Variants in GNG2 observed in about 807,000 individuals in gnomAD.
GNG2 encodes the protein G protein subunit gamma 2.
GNG2 carries 5 observed loss-of-function variants against 5.5 expected under a neutral mutation model. The observed-to-expected ratio is 0.91, with a 90% CI of 0.48 to 1.92. The LOEUF (loss-of-function observed/expected upper bound fraction) is 1.92, where lower values mean the gene tolerates loss of function less well. Among genes scored for constraint, GNG2 ranks in the 30% most tolerant of loss-of-function variants. The pLI is 0.01. For synonymous variants in GNG2, 28 were observed against 32.0 expected, an observed-to-expected ratio of 0.88 and a Z score of 0.42; for missense variants, 55 against 88.4, an observed-to-expected ratio of 0.62 and a Z score of 1.52.
At chr14:51,932,181 A>T (rs1401285378) in intron 2 of GNG2, among the ~76,000 whole-genome samples, 1 of 133,440 alleles carries the variant, frequency 7.5e-6, no homozygotes, top group East Asian at 2.6e-4. Context: ...GGGGAGGTGG[A>T]GCTTGCAGTG....
At chr14:51,840,014 T>G (rs1179674061) in intron 2 of GNG2, among the ~76,000 whole-genome samples, 1 of 152,108 alleles carries the variant, frequency 6.6e-6, no homozygotes. Context: ...GCATTAGAAA[T>G]GTGTTATAGT....
chr14:51,946,433 C>G (rs36047102), intron 2 of GNG2, among the ~76,000 whole-genome samples: 9,379 of 152,176 alleles, frequency 0.062, 561 homozygotes, highest in East Asian at 0.28. Flanking sequence ...GATGTACATT[C>G]TACATTGCGG....
chr14:51,842,072 C>T (rs1398842307), intron 2 of GNG2, among the ~76,000 whole-genome samples: 1 of 152,108 alleles, frequency 6.6e-6, no homozygotes, highest in Non-Finnish European at 1.5e-5. Flanking sequence ...TAGTTGGTTA[C>T]CATGATGTCA....
intron 2 of GNG2, among the ~76,000 whole-genome samples, chr14:51,838,399 G>T (rs1881396884): frequency 6.6e-6 from 1 of 151,734 alleles, no homozygotes; most frequent in Non-Finnish European, 1.5e-5. Context: ...AGCCGAGATT[G>T]CACCACTGCT....
At chr14:51,910,176 T>A (rs1272720866) in intron 2 of GNG2, among the ~76,000 whole-genome samples, 1 of 152,158 alleles carries the variant, frequency 6.6e-6, no homozygotes. Context: ...TGTCTAGAAA[T>A]TAGCAGTATT....
At chr14:51,844,972 A>G (rs1452194461) in intron 2 of GNG2, among the ~76,000 whole-genome samples, 1 of 150,948 alleles carries the variant, frequency 6.6e-6, no homozygotes, top group Non-Finnish European at 1.5e-5. Flanking sequence ...TGATCCTTCC[A>G]CCTCGGCCTC....
chr14:51,891,637 A>C (rs1884859614), intron 2 of GNG2, among the ~76,000 whole-genome samples: 1 of 151,986 alleles, frequency 6.6e-6, no homozygotes, highest in South Asian at 2.1e-4. Context: ...GTTTAGTTTC[A>C]CCTGTTTTAG....
chr14:51,865,712 T>TA (rs916579266), intron 1 of GNG2, among the ~76,000 whole-genome samples: 14 of 151,282 alleles, frequency 9.3e-5, no homozygotes, highest in African/African-American at 1.7e-4. Flanking sequence ...ATATTTTGTT[T>TA]AAAAAAAAAG....
At chr14:51,854,771 C>T (rs1336468125) in intron 2 of GNG2, among the ~76,000 whole-genome samples, 1 of 152,186 alleles carries the variant, frequency 6.6e-6, no homozygotes, top group Non-Finnish European at 1.5e-5. Context: ...CCTTGGCCTC[C>T]CAAGGTGCTG....
rs545779100 is a variant in GNG2, at chr14:51,833,382, G to A, written c.64+5575G>A. Among the ~76,000 whole-genome samples, 11 of 152,156 alleles carry A rather than the reference G, an allele frequency of 7.2e-5. No individual in the cohort carries two copies. In the South Asian group the frequency reaches 2.3e-3, roughly 32 times the overall value. ...TTGTTCATGAATTTCTTCTAATGTA[G>A]ATCACTTTACCCTCTCTAGGTGTCT... On this transcript the variant is annotated intron_variant, in intron 2 of 3. Coordinates refer to the GNG2 transcript ENST00000553432.
At chr14:51,903,162 C>A (rs1216401426) in intron 2 of GNG2, among the ~76,000 whole-genome samples, 2 of 152,106 alleles carry the variant, frequency 1.3e-5, no homozygotes, top group East Asian at 3.9e-4. Context: ...CCCAATAGTT[C>A]AGTGAAATAT....
intron 2 of GNG2, among the ~76,000 whole-genome samples, chr14:51,920,639 A>T (rs953598702): frequency 8.5e-5 from 13 of 152,222 alleles, no homozygotes; most frequent in African/African-American, 3.1e-4. Context: ...GAATTTATAA[A>T]TGGAAAGGTC....
chr14:51,871,294 A>T (rs1883277039), intron 1 of GNG2, among the ~76,000 whole-genome samples: 1 of 150,166 alleles, frequency 6.7e-6, no homozygotes, highest in African/African-American at 2.5e-5. Context: ...TTAAAATTAA[A>T]ATAAGAAAAA....
chr14:51,966,227 A>AC (rs905369223), intron 3 of GNG2, among the ~76,000 whole-genome samples: 17 of 148,842 alleles, frequency 1.1e-4, no homozygotes, highest in African/African-American at 4.2e-4. Flanking sequence ...AAAAAAAAAA[A>AC]AAAAAAAAAA....
chr14:51,942,589 C>CTTTTTTTTTT (rs56883654), intron 2 of GNG2, among the ~76,000 whole-genome samples: 11 of 81,122 alleles, frequency 1.4e-4, no homozygotes, highest in African/African-American at 5.9e-4. Context: ...TTCTTTCTTT[C>CTTTTTTTTTT]TTTTTTTTTT....
intron 2 of GNG2, among the ~76,000 whole-genome samples, chr14:51,835,847 C>A (rs1370723384): frequency 6.6e-6 from 1 of 152,040 alleles, no homozygotes; most frequent in African/African-American, 2.4e-5. Context: ...ATTTTCAGGT[C>A]TTTTGCTGGG....
intron 2 of GNG2, among the ~76,000 whole-genome samples, chr14:51,831,554 G>T (rs1026156037): frequency 6.6e-6 from 1 of 152,358 alleles, no homozygotes; most frequent in South Asian, 2.1e-4. Context: ...GTAATAAAAA[G>T]GGGTCATGAA....
intron 2 of GNG2, among the ~76,000 whole-genome samples, chr14:51,844,750 G>A (rs1367454231): frequency 1.3e-5 from 2 of 151,582 alleles, no homozygotes; most frequent in Admixed American, 6.6e-5. Context: ...TTTTGAGGCA[G>A]AGTCTCACAC....
chr14:51,885,609 A>C (rs991102337), intron 2 of GNG2, among the ~76,000 whole-genome samples: 8 of 149,874 alleles, frequency 5.3e-5, no homozygotes, highest in Non-Finnish European at 7.4e-5. Flanking sequence ...ACACACACAC[A>C]CCCCCGCCCC....
Sources: allele counts gnomAD v4.1 joint callset (sites outside exome capture counted in the v4.1 genomes callset), GRCh38; gene constraint gnomAD v4.1.1; transcripts MANE v1.5; gene names NCBI Gene and HGNC (gene_info 2026-07-23, HGNC 2026-07-21).